Variants in BTBD8 observed in about 807,000 individuals in gnomAD.
BTBD8 encodes the protein BTB/POZ domain-containing protein 8.
BTBD8 carries 110 observed loss-of-function variants against 162.9 expected under a neutral mutation model. The ratio of observed to expected loss-of-function variants is 0.68; its 90% CI spans 0.58 to 0.79. The LOEUF is 0.79. Ranked by LOEUF, BTBD8 falls within the 30% of genes least tolerant of loss-of-function variation. The pLI is 0.00. For synonymous variants in BTBD8, 667 were observed against 716.1 expected (o/e 0.93, Z 1.10); for missense variants, 1,905 against 2,085.4 (o/e 0.91, Z 1.68).
rs77514713 is a variant in BTBD8, at chr1:92,154,949, G to A, written c.1122+7163G>A. Among the ~76,000 whole-genome samples, 894 of 152,276 alleles carry A rather than the reference G, an allele frequency of 5.9e-3. 4 individuals are homozygous for A. The highest frequency in any genetic ancestry group is 0.014 in the Middle Eastern group (4 of 294). On this transcript the variant is annotated intron_variant, in intron 9 of 17. Coordinates refer to ENST00000636805, the MANE Select transcript of BTBD8 (RefSeq NM_001376131.1). ...GAGTTGATATTTGGGTATGTTGTACGATAAGGGTGAAATTGTATTCTTTTG... is the reference window on the plus strand; with the variant it reads ...GAGTTGATATTTGGGTATGTTGTACAATAAGGGTGAAATTGTATTCTTTTG...
chr1:92,089,501 T>C (rs1276635835), intron 2 of BTBD8, among the ~76,000 whole-genome samples: 1 of 152,228 alleles, frequency 6.6e-6, no homozygotes, highest in African/African-American at 2.4e-5. Flanking sequence ...TATAACAAAA[T>C]ACCTTAGACT....
In BTBD8 at chr1:92,176,872, C is replaced by A; in HGVS notation, c.1679C>A (p.Ser560Tyr). 6.8e-7 allele frequency: 1 copy of A among 1,474,806 alleles called. No individual in the cohort carries two copies. The highest frequency in any genetic ancestry group is 1.4e-5 in the South Asian group (1 of 70,328). The allele number at this position is 1,474,806 out of a possible 1,614,324, so 91.4% of individuals were successfully genotyped here. ...VSDSGDIKIK[S>Y]WRGNNKKECW... ...GACTCTGGTGATATAAAAATCAAAT[C>A]TTGGAGGGGAAATAACAAGAAAGAG... is the stretch of plus-strand genomic sequence containing the variant. Residue 560 changes from serine (S) to tyrosine (Y), a missense_variant, in exon 14 of 18, where the codon TCT becomes TAT. Ser to Tyr is a moderately radical substitution (Grantham distance 144, BLOSUM62 -2). Coordinates refer to ENST00000636805, the MANE Select transcript of BTBD8 (RefSeq NM_001376131.1).
At chr1:92,147,157 A>T in intron 7 of BTBD8, 23 bp from the exon 8 acceptor site, 2 of 1,533,998 alleles carry the variant, frequency 1.3e-6, no homozygotes, top group South Asian at 2.4e-5. Flanking sequence ...AGGAATAAAT[A>T]TGGTGTTTTC....
intron 4 of BTBD8, among the ~76,000 whole-genome samples, chr1:92,124,586 TAAAAGA>T (rs1372024643): frequency 6.6e-6 from 1 of 152,088 alleles, no homozygotes; most frequent in Non-Finnish European, 1.5e-5. Context: ...CTGTCTGTAG[TAAAAGA>T]AAAAGAAAGA....
intron 4 of BTBD8, among the ~76,000 whole-genome samples, chr1:92,113,926 C>T (rs931729606): frequency 4.0e-5 from 6 of 150,066 alleles, no homozygotes; most frequent in Admixed American, 3.3e-4. Context: ...GCAGGAGAAT[C>T]GCTTGAATCC....
intron 1 of BTBD8, among the ~76,000 whole-genome samples, chr1:92,082,620 T>C (rs1356120524): frequency 6.6e-6 from 1 of 152,180 alleles, no homozygotes; most frequent in East Asian, 1.9e-4. Context: ...AAGAGCTTGA[T>C]TGATTTTGAG....
chr1:92,160,374 A>G (rs184413410), intron 9 of BTBD8, among the ~76,000 whole-genome samples: 1 of 152,068 alleles, frequency 6.6e-6, no homozygotes, highest in East Asian at 1.9e-4. Context: ...CTGGAGATTT[A>G]TTTTGTTCTT....
At position 92,184,162 on chromosome 1, in the gene BTBD8, A is replaced by G; in HGVS notation, c.5211A>G (p.Arg1737=). ...YLINQTLLLA[R]DSSKPQGITH... ...TCAATCAGACACTACTTTTAGCACG[A>G]GATAGCTCAAAACCTCAGGGTATAA... The change falls in exon 18 of 18, where the codon CGA becomes CGG. Residue 1737 remains arginine, a synonymous_variant. Coordinates refer to ENST00000636805, the MANE Select transcript of BTBD8 (RefSeq NM_001376131.1). The G allele has an allele frequency of 6.4e-7, 1 of 1,551,648 alleles. No homozygotes were observed. The highest frequency in any genetic ancestry group is 1.4e-5 in the African/African-American group (1 of 73,182).
At chr1:92,139,522 T>G in intron 6 of BTBD8, 92 bp downstream of exon 6, 1 of 1,501,354 alleles carries the variant, frequency 6.7e-7, no homozygotes, top group Non-Finnish European at 8.8e-7. Flanking sequence ...GTAGAAACTT[T>G]GCTTTTTATA....
Position 92,153,067 on chromosome 1 carries a change from G to T in BTBD8, c.1122+5281G>T, listed in dbSNP as rs138684036. Among the ~76,000 whole-genome samples, 268 of 152,014 alleles carry T rather than the reference G, an allele frequency of 1.8e-3. 3 individuals are homozygous for T. Among genetic ancestry groups the T allele is most frequent in the African/African-American group, 5.9e-3 (245 of 41,454 alleles). On this transcript the variant is annotated intron_variant, in intron 9 of 17. Coordinates refer to ENST00000636805, the MANE Select transcript of BTBD8 (RefSeq NM_001376131.1). ...GAAAGAGCAAGCAGTCTTTTTTTTA[G>T]CAATAACCCCAGATTGGCCTTTTAG...
At chr1:92,171,667 CTACCTTT>C (rs1177295151) in intron 13 of BTBD8, among the ~76,000 whole-genome samples, 2 of 152,216 alleles carry the variant, frequency 1.3e-5, no homozygotes, top group Non-Finnish European at 2.9e-5. Flanking sequence ...CTGGAAGTAT[CTACCTTT>C]TTCATTTCCT....
At position 92,168,871 on chromosome 1, in the gene BTBD8, T is replaced by A. The variant is rs1318770118; in HGVS notation, c.1449T>A (p.Phe483Leu). 6.6e-7 allele frequency: 1 copy of A among 1,517,200 alleles called. No individual in the cohort carries two copies. Among genetic ancestry groups the A allele is most frequent in the East Asian group, 2.5e-5 (1 of 40,310 alleles). The allele number at this position is 1,517,200 out of a possible 1,614,324, so 94.0% of individuals were successfully genotyped here. The change falls in exon 12 of 18, where the codon TTT (phenylalanine) becomes TTA (leucine). Residue 483 changes from phenylalanine to leucine, a missense_variant. This residue lies in a region of BTBD8 where 1,374 missense variants were observed against 1,442.7 expected (regional missense o/e 0.95). Transcript: ENST00000636805. Reference sequence around the variant, plus strand: ...GATTTGTTGCTTGAACACAGGGTTTTACGTGCAAGATCCAGGCTCTGCGTG... The same window carrying A: ...GATTTGTTGCTTGAACACAGGGTTTAACGTGCAAGATCCAGGCTCTGCGTG... Reference protein sequence around the residue: ...LNSDSTKEMGFTCKIQALRDK... With the variant: ...LNSDSTKEMGLTCKIQALRDK...
chr1:92,145,696 C>T (rs1391787775), intron 7 of BTBD8, among the ~76,000 whole-genome samples: 2 of 152,064 alleles, frequency 1.3e-5, no homozygotes, highest in Non-Finnish European at 2.9e-5. Flanking sequence ...AAATACCTTA[C>T]GTAGGCCGGG....
chr1:92,103,347 T>C (rs757515934), intron 3 of BTBD8, among the ~76,000 whole-genome samples: 5 of 152,248 alleles, frequency 3.3e-5, no homozygotes, highest in Non-Finnish European at 7.3e-5. Flanking sequence ...TATCTAATTA[T>C]GGTGAATGAA....
intron 7 of BTBD8, among the ~76,000 whole-genome samples, chr1:92,145,913 G>A (rs371609425): frequency 5.9e-5 from 9 of 151,920 alleles, no homozygotes; most frequent in African/African-American, 1.7e-4. Context: ...CCCAGGAGGC[G>A]GAGATTGCAG....
chr1:92,170,070 C>T (rs992907235), intron 12 of BTBD8, among the ~76,000 whole-genome samples: 17 of 152,192 alleles, frequency 1.1e-4, no homozygotes, highest in Middle Eastern at 3.4e-3. Flanking sequence ...CAGCTCTCTT[C>T]CGATTAGTAG....
chr1:92,146,780 C>T lies in BTBD8; in HGVS notation c.931-400C>T, dbSNP rs72956883. On this transcript the variant is annotated intron_variant, in intron 7 of 17. Coordinates refer to ENST00000636805, the MANE Select transcript of BTBD8 (RefSeq NM_001376131.1). ...AAGATCCCCCCATGTCTTTTCATGGCTTGATAGCACATTTCTTTTTAGAGC... is the reference window on the plus strand; with the variant it reads ...AAGATCCCCCCATGTCTTTTCATGGTTTGATAGCACATTTCTTTTTAGAGC... Among the ~76,000 whole-genome samples the T allele has an allele frequency of 9.4e-3, 1,435 of 152,196 alleles. 22 individuals are homozygous for T. The highest frequency in any genetic ancestry group is 0.033 in the African/African-American group (1,377 of 41,514).
intron 9 of BTBD8, among the ~76,000 whole-genome samples, chr1:92,161,882 A>T (rs961394752): frequency 1.3e-5 from 2 of 152,232 alleles, no homozygotes; most frequent in Non-Finnish European, 2.9e-5. Flanking sequence ...ACTGACACAT[A>T]TAGAACAGAA....
chr1:92,139,491 G>C, intron 6 of BTBD8, 61 bp downstream of exon 6: 1 of 1,555,446 alleles, frequency 6.4e-7, no homozygotes, highest in East Asian at 2.3e-5. Context: ...TTGTTGAGCT[G>C]TGTTGCAAAG....
Sources: gnomAD v4.1 joint callset for allele counts (sites outside exome capture counted in the v4.1 genomes callset) on GRCh38, gnomAD v4.1.1 for gene constraint, gnomAD v4.1.1 regional missense constraint, MANE v1.5 for transcripts, NCBI Gene and HGNC (gene_info 2026-07-23, HGNC 2026-07-21) for gene names.